Variants in NUP98 observed in about 807,000 individuals in gnomAD.
NUP98 encodes nucleoporin 98 and 96 precursor.
A neutral mutation model predicts 191.9 loss-of-function variants in NUP98; 26 were observed. The observed-to-expected ratio is 0.14, with a 90% CI of 0.10 to 0.19. The LOEUF is 0.19. Ranked by LOEUF, NUP98 falls within the 10% of genes least tolerant of loss-of-function variation. NUP98 has a pLI of 1.00. For missense variants in NUP98, 1,941 were observed against 2,178.8 expected (o/e 0.89, Z 2.17); for synonymous variants, 808 against 778.4 (o/e 1.04, Z -0.63).
At position 3,771,737 on chromosome 11, in the gene NUP98, C is replaced by G; in HGVS notation, c.784+11G>C. On this transcript the variant is annotated intron_variant, in intron 7 of 32. Coordinates refer to ENST00000324932, the MANE Select transcript of NUP98 (RefSeq NM_016320.5). ...TCCTCAGTATAATCTAACATGATAT[C>G]AAGTGCTTACTAGTTCCAAAGGCAG... is the stretch of plus-strand genomic sequence containing the variant. 1 of 1,612,020 alleles carries G rather than the reference C, an allele frequency of 6.2e-7. No homozygotes were observed. Among genetic ancestry groups the G allele is most frequent in the Non-Finnish European group, 8.5e-7 (1 of 1,178,176 alleles).
rs552303621 is a variant in NUP98, at chr11:3,710,069, T to G, written c.2742+2495A>C. Among the ~76,000 whole-genome samples, 21 of 151,492 alleles carry G rather than the reference T, an allele frequency of 1.4e-4. No homozygotes were observed. In the South Asian group the frequency reaches 4.4e-3, roughly 32 times the overall value. On this transcript the variant is annotated intron_variant, in intron 20 of 32. Coordinates refer to ENST00000324932, the MANE Select transcript of NUP98 (RefSeq NM_016320.5). ...CCTGAGTGCCAAAGGCCTGAGGTCT[T>G]TCAACATAGTTTTGAAACCTGATTG...
At chr11:3,705,435 A>C (rs1271190359) in intron 21 of NUP98, 79 bp from the exon 22 acceptor site, 4 of 1,397,282 alleles carry the variant, frequency 2.9e-6, no homozygotes, top group African/African-American at 1.4e-5. Flanking sequence ...AGTTTACAAC[A>C]ACCAAAAATA....
intron 15 of NUP98, among the ~76,000 whole-genome samples, chr11:3,724,664 G>GAAACA (rs1182781990): frequency 6.6e-6 from 1 of 150,464 alleles, no homozygotes; most frequent in Non-Finnish European, 1.5e-5. Flanking sequence ...ATGGTGGCGG[G>GAAACA]TGCCTGTATT....
chr11:3,761,946 A>AAACAAC (rs530717846), intron 9 of NUP98, among the ~76,000 whole-genome samples: 6 of 151,804 alleles, frequency 4.0e-5, no homozygotes, highest in South Asian at 2.1e-4. Context: ...TCGGTTTCAA[A>AAACAAC]AACAACAACA....
intron 25 of NUP98, 39 bp from the exon 26 acceptor site, chr11:3,695,645 GT>G: frequency 7.1e-7 from 1 of 1,402,226 alleles, no homozygotes; most frequent in Non-Finnish European, 9.4e-7. Context: ...ATTACTAAGG[GT>G]TTATGGACTT....
rs2081870882 is a variant in NUP98 at position 3,779,398 on chromosome 11, T to C, written c.77-141A>G. 7 of 737,962 alleles carry C rather than the reference T, an allele frequency of 9.5e-6. No homozygotes were observed. The Admixed American group carries it at 1.6e-4, about 17-fold the overall frequency. The allele number at this position is 737,962 out of a possible 1,614,324, so 45.7% of individuals were successfully genotyped here. A position where few individuals can be genotyped will look rare whatever the true frequency, so the allele number is the denominator to read the frequency against. On this transcript the variant is annotated intron_variant, in intron 2 of 32. Coordinates refer to ENST00000324932, the MANE Select transcript of NUP98 (RefSeq NM_016320.5). ...GGCTCACGCCTGTAATCCCAGCACT[T>C]TGGGAGGCCGAGGCGGGCGGATCAC...
At chr11:3,740,600 A>G (rs2080246681) in intron 12 of NUP98, among the ~76,000 whole-genome samples, 1 of 152,060 alleles carries the variant, frequency 6.6e-6, no homozygotes, top group East Asian at 1.9e-4. Flanking sequence ...CACAGGTCAA[A>G]GTATGCCTTT....
chr11:3,713,796 G>T, intron 19 of NUP98, 22 bp downstream of exon 19: 1 of 1,599,450 alleles, frequency 6.3e-7, no homozygotes, highest in Non-Finnish European at 8.5e-7. Context: ...ATAAAAGTCT[G>T]AACTGGGTTA....
intron 10 of NUP98, among the ~76,000 whole-genome samples, chr11:3,759,588 G>A (rs1005587638): frequency 4.0e-5 from 6 of 151,874 alleles, no homozygotes; most frequent in Non-Finnish European, 5.9e-5. Flanking sequence ...GGGTGACAGA[G>A]ACTACACCTC....
At chr11:3,788,788 A>C (rs937601282) in intron 1 of NUP98, among the ~76,000 whole-genome samples, 1 of 151,398 alleles carries the variant, frequency 6.6e-6, no homozygotes, top group Non-Finnish European at 1.5e-5. Flanking sequence ...CTCTACTAAA[A>C]AATACATAAT....
chr11:3,699,427 T>C (rs2078611145), intron 24 of NUP98, 79 bp from the exon 25 acceptor site: 1 of 1,466,878 alleles, frequency 6.8e-7, no homozygotes, highest in African/African-American at 1.4e-5. Flanking sequence ...CTAACTGTGA[T>C]GTTAAAAATA....
At chr11:3,725,853 A>T (rs1022634473) in intron 14 of NUP98, among the ~76,000 whole-genome samples, 2 of 152,178 alleles carry the variant, frequency 1.3e-5, no homozygotes, top group Non-Finnish European at 2.9e-5. Flanking sequence ...TGTGTCACCC[A>T]CGCTGGTGTG....
At chr11:3,752,533 A>G (rs1221720433) in intron 11 of NUP98, among the ~76,000 whole-genome samples, 1 of 151,738 alleles carries the variant, frequency 6.6e-6, no homozygotes. Context: ...AAATAAATAA[A>G]TAAATAAATA....
intron 29 of NUP98, among the ~76,000 whole-genome samples, chr11:3,685,108 T>C (rs1421344178): frequency 1.3e-5 from 2 of 152,164 alleles, no homozygotes; most frequent in African/African-American, 4.8e-5. Flanking sequence ...ACAGTTAATA[T>C]ATATGGTATA....
chr11:3,730,987 C>G (rs1283345753), intron 14 of NUP98, among the ~76,000 whole-genome samples: 1 of 152,124 alleles, frequency 6.6e-6, no homozygotes, highest in East Asian at 1.9e-4. Context: ...AGTGGACTGG[C>G]TGGGCACAGC....
intron 9 of NUP98, among the ~76,000 whole-genome samples, chr11:3,761,464 A>C (rs2081164869): frequency 6.6e-6 from 1 of 152,088 alleles, no homozygotes; most frequent in South Asian, 2.1e-4. Flanking sequence ...TCTACTAAAA[A>C]ATACAAAAAT....
chr11:3,685,236 G>T (rs1263881131), intron 29 of NUP98, among the ~76,000 whole-genome samples: 1 of 149,580 alleles, frequency 6.7e-6, no homozygotes, highest in Middle Eastern at 3.4e-3. Flanking sequence ...TGTTCAAACC[G>T]CAGTGAAAAG....
At chr11:3,710,439 G>C (rs1452600732) in intron 20 of NUP98, among the ~76,000 whole-genome samples, 1 of 152,082 alleles carries the variant, frequency 6.6e-6, no homozygotes, top group Admixed American at 6.6e-5. Flanking sequence ...GAACCAACTG[G>C]AAACAGGGGA....
chr11:3,675,970 A>G lies in NUP98; in HGVS notation c.*189T>C, dbSNP rs1419886094. Reference sequence around the variant, plus strand: ...AACTGTCTCCTCTTCTGGGTTCCAGAAGCCCTTATGCTACGTTCAGTATTA... The same window carrying G: ...AACTGTCTCCTCTTCTGGGTTCCAGGAGCCCTTATGCTACGTTCAGTATTA... On this transcript the variant is annotated 3_prime_UTR_variant, in exon 33 of 33. Coordinates refer to ENST00000324932, the MANE Select transcript of NUP98 (RefSeq NM_016320.5). 1.7e-6 allele frequency: 1 copy of G among 596,030 alleles called. No homozygotes were observed. Among genetic ancestry groups the G allele is most frequent in the Non-Finnish European group, 3.0e-6 (1 of 336,082 alleles). The allele number at this position is 596,030 out of a possible 1,614,324, so 36.9% of individuals were successfully genotyped here.
Sources: allele counts gnomAD v4.1 joint callset (sites outside exome capture counted in the v4.1 genomes callset), GRCh38; gene constraint gnomAD v4.1.1; transcripts MANE v1.5; gene names NCBI Gene and HGNC (gene_info 2026-07-23, HGNC 2026-07-21).